The following FER variants were observed in gnomAD, a reference collection of about 807,000 sequenced individuals.
The protein encoded by FER is tyrosine-protein kinase Fer.
A neutral mutation model predicts 111.0 loss-of-function variants in FER; 63 were observed. The ratio of observed to expected loss-of-function variants is 0.57; its 90% CI spans 0.46 to 0.70. The LOEUF (loss-of-function observed/expected upper bound fraction) is 0.70, where lower values mean the gene tolerates loss of function less well. Ranked by LOEUF, FER falls within the 30% of genes least tolerant of loss-of-function variation. The probability of loss-of-function intolerance (pLI) is 0.00; values close to 1 mark genes in which losing one functional copy is unlikely to be tolerated. For synonymous variants in FER, 327 were observed against 313.9 expected (o/e 1.04, Z -0.44); for missense variants, 914 against 954.0 (o/e 0.96, Z 0.55).
chr5:108,777,067 G>A (rs543504707), intron 2 of FER, among the ~76,000 whole-genome samples: 4 of 152,290 alleles, frequency 2.6e-5, no homozygotes, highest in Non-Finnish European at 4.4e-5. Context: ...ATCCCAGCAC[G>A]TTGGGAGGCC....
chr5:108,840,249 T>G (rs1761120781), intron 5 of FER, among the ~76,000 whole-genome samples: 1 of 152,170 alleles, frequency 6.6e-6, no homozygotes, highest in Admixed American at 6.5e-5. Flanking sequence ...AATTCTCTAT[T>G]ATCATCTAAT....
intron 3 of FER, among the ~76,000 whole-genome samples, chr5:108,814,464 T>C (rs1758074539): frequency 6.6e-6 from 1 of 152,164 alleles, no homozygotes; most frequent in Non-Finnish European, 1.5e-5. Context: ...TACGTGTTTG[T>C]ATACAGGATA....
At chr5:108,757,472 T>G (rs1042135643) in intron 1 of FER, among the ~76,000 whole-genome samples, 1 of 152,132 alleles carries the variant, frequency 6.6e-6, no homozygotes, top group African/African-American at 2.4e-5. Flanking sequence ...AAACAGACAT[T>G]TTTGAATAAA....
chr5:108,842,138 C>T, intron 5 of FER: 1 of 172,176 alleles, frequency 5.8e-6, no homozygotes, highest in South Asian at 1.3e-4. Context: ...TCAAAATTAT[C>T]TAAAGAATAG....
intron 17 of FER, among the ~76,000 whole-genome samples, chr5:109,135,350 G>C (rs1427214473): frequency 2.6e-5 from 4 of 152,220 alleles, no homozygotes; most frequent in Non-Finnish European, 5.9e-5. Context: ...GAGAGGTTAA[G>C]TGATTTTCTC....
At chr5:109,172,167 A>G (rs1026318848) in intron 17 of FER, among the ~76,000 whole-genome samples, 2 of 152,032 alleles carry the variant, frequency 1.3e-5, no homozygotes, top group Non-Finnish European at 2.9e-5. Flanking sequence ...TCATGCTGCT[A>G]TAAAGACACA....
chr5:108,946,776 C>A (rs987161327), intron 11 of FER, among the ~76,000 whole-genome samples: 1 of 146,478 alleles, frequency 6.8e-6, no homozygotes, highest in Non-Finnish European at 1.5e-5. Flanking sequence ...CATGAACAAA[C>A]ACACAGAAGA....
chr5:109,157,499 C>T (rs1009571684), intron 17 of FER, among the ~76,000 whole-genome samples: 3 of 151,526 alleles, frequency 2.0e-5, no homozygotes, highest in African/African-American at 7.3e-5. Context: ...TTTATTCGAT[C>T]ACTGGCGATG....
intron 5 of FER, among the ~76,000 whole-genome samples, chr5:108,854,536 C>T (rs938404694): frequency 1.3e-5 from 2 of 152,126 alleles, no homozygotes; most frequent in African/African-American, 2.4e-5. Flanking sequence ...CTGTAACTGA[C>T]CTGGAATGCA....
chr5:108,825,756 A>T (rs534077486), intron 3 of FER, among the ~76,000 whole-genome samples: 2 of 152,352 alleles, frequency 1.3e-5, no homozygotes, highest in Non-Finnish European at 2.9e-5. Context: ...AAATTACCAA[A>T]GTATTAATTT....
At chr5:108,994,686 TA>T (rs1763764968) in intron 13 of FER, among the ~76,000 whole-genome samples, 2 of 152,228 alleles carry the variant, frequency 1.3e-5, no homozygotes, top group Admixed American at 1.3e-4. Flanking sequence ...ATTGAATTTA[TA>T]AATTGCTTTG....
At chr5:108,948,161 C>T (rs1266734652) in intron 11 of FER, among the ~76,000 whole-genome samples, 1 of 151,864 alleles carries the variant, frequency 6.6e-6, no homozygotes, top group Non-Finnish European at 1.5e-5. Flanking sequence ...TAGAATTAAT[C>T]GCAATGGTAT....
intron 13 of FER, among the ~76,000 whole-genome samples, chr5:108,981,069 A>G (rs996507465): frequency 2.6e-5 from 4 of 152,148 alleles, no homozygotes; most frequent in Non-Finnish European, 5.9e-5. Context: ...TACAAATCAC[A>G]GTAAAGTGAA....
chr5:108,943,632 C>T (rs879688826), intron 10 of FER, among the ~76,000 whole-genome samples: 4 of 152,068 alleles, frequency 2.6e-5, no homozygotes, highest in Admixed American at 6.6e-5. Flanking sequence ...GCCTTTTTCA[C>T]TGCAATTTTC....
intron 16 of FER, among the ~76,000 whole-genome samples, chr5:109,060,765 T>TAC (rs1561842994): frequency 0.011 from 1,396 of 124,648 alleles, 26 homozygotes; most frequent in African/African-American, 0.036. Context: ...GTGTGGTGTG[T>TAC]GTGTGTGTAT....
At chr5:109,141,871 T>C (rs973981656) in intron 17 of FER, among the ~76,000 whole-genome samples, 1 of 152,174 alleles carries the variant, frequency 6.6e-6, no homozygotes, top group African/African-American at 2.4e-5. Context: ...GCTATGCCAA[T>C]GGAGTGTAGG....
intron 13 of FER, 92 bp from the exon 14 acceptor site, chr5:109,037,330 T>G (rs1053255013): frequency 7.6e-5 from 72 of 952,988 alleles, no homozygotes; most frequent in Non-Finnish European, 1.2e-4. Flanking sequence ...GAATGAAATA[T>G]CCCTTTAGGT....
intron 10 of FER, among the ~76,000 whole-genome samples, chr5:108,932,085 A>T (rs966079371): frequency 6.6e-6 from 1 of 151,924 alleles, no homozygotes; most frequent in Non-Finnish European, 1.5e-5. Flanking sequence ...AGGTTTGTAC[A>T]TAGGTATACA....
chr5:108,821,353 G>A (rs1758824733), intron 3 of FER, among the ~76,000 whole-genome samples: 1 of 151,918 alleles, frequency 6.6e-6, no homozygotes, highest in African/African-American at 2.4e-5. Flanking sequence ...GTCAATTCCT[G>A]CTGTATTTAT....
Sources: gnomAD v4.1 joint callset for allele counts (sites outside exome capture counted in the v4.1 genomes callset) on GRCh38, gnomAD v4.1.1 for gene constraint, MANE v1.5 for transcripts, NCBI Gene and HGNC (gene_info 2026-07-23, HGNC 2026-07-21) for gene names.